Variants in BTD observed in about 807,000 individuals in gnomAD.
BTD encodes the protein biotinidase.
BTD carries 13 observed loss-of-function variants against 17.7 expected under a neutral mutation model. The ratio of observed to expected loss-of-function variants is 0.74; its 90% confidence interval spans 0.48 to 1.17. The LOEUF (loss-of-function observed/expected upper bound fraction) is 1.17, where lower values mean the gene tolerates loss of function less well. Among genes scored for constraint, BTD ranks in the 50% most tolerant of loss-of-function variants. The pLI is 0.00. For missense variants in BTD, 674 were observed against 650.4 expected (o/e 1.04, Z -0.39); for synonymous variants, 240 against 245.2 (o/e 0.98, Z 0.20).
intron 1 of BTD, among the ~76,000 whole-genome samples, chr3:15,616,545 G>C (rs1269558722): frequency 6.6e-6 from 1 of 152,036 alleles, no homozygotes; most frequent in Non-Finnish European, 1.5e-5. Flanking sequence ...GAACCTGGGA[G>C]GTGGAGGTTG....
At chr3:15,623,111 C>T (rs373498388) in intron 1 of BTD, among the ~76,000 whole-genome samples, 12 of 152,212 alleles carry the variant, frequency 7.9e-5, no homozygotes, top group African/African-American at 2.9e-4. Flanking sequence ...GACTTATTCA[C>T]TACCATGAGA....
chr3:15,642,337 C>T, intron 3 of BTD: 3 of 1,210,836 alleles, frequency 2.5e-6, no homozygotes, highest in Non-Finnish European at 2.2e-6. Flanking sequence ...AAGAAAAGTT[C>T]ATCTTCACCA....
intron 3 of BTD, among the ~76,000 whole-genome samples, chr3:15,698,047 T>C (rs1232028951): frequency 2.0e-5 from 3 of 152,230 alleles, no homozygotes; most frequent in Admixed American, 6.5e-5. Context: ...TCTCTGATTG[T>C]AGTTTGTATT....
At chr3:15,722,394 GA>G (rs1284780259), downstream of BTD, among the ~76,000 whole-genome samples, 6 of 152,186 alleles carry the variant, frequency 3.9e-5, no homozygotes, top group Non-Finnish European at 1.5e-5. Context: ...CTGACTCCGT[GA>G]AGAGTGGACA....
At chr3:15,634,241 G>C (rs2065287489) in intron 1 of BTD, among the ~76,000 whole-genome samples, 1 of 152,226 alleles carries the variant, frequency 6.6e-6, no homozygotes, top group Non-Finnish European at 1.5e-5. Context: ...CAGGAGTTAT[G>C]AGTTGAGACT....
At chr3:15,630,155 T>C (rs1353061480) in intron 1 of BTD, 25 of 854,950 alleles carry the variant, frequency 2.9e-5, no homozygotes, top group Non-Finnish European at 3.2e-5. Context: ...AACTCAAATC[T>C]TGAAAGTCAG....
In BTD at chr3:15,601,914, C is replaced by T; in HGVS notation, c.-17+20C>T. 3.7e-6 allele frequency: 6 copies of T among 1,612,886 alleles called. No homozygotes were observed. The highest frequency in any genetic ancestry group is 5.1e-6 in the Non-Finnish European group (6 of 1,179,894). On this transcript the variant is annotated intron_variant, in intron 1 of 3. Transcript: ENST00000643237. ...GAGCAGGTACGGAGGGGGCGTGGTG[C>T]GGCGCGGAGGGGGTGTGGTAAGGGC...
intron 1 of BTD, among the ~76,000 whole-genome samples, chr3:15,620,451 T>C (rs2064918235): frequency 6.6e-6 from 1 of 152,236 alleles, no homozygotes; most frequent in African/African-American, 2.4e-5. Flanking sequence ...AATGTGGCTC[T>C]TTTAGCCCAA....
intron 1 of BTD, among the ~76,000 whole-genome samples, chr3:15,618,618 C>T (rs4309707): frequency 0.043 from 6,587 of 152,036 alleles, 410 homozygotes; most frequent in African/African-American, 0.14. Context: ...CTCCACCTCC[C>T]GGGTTCACGC....
At chr3:15,665,727 G>A (rs542701722) in intron 3 of BTD, among the ~76,000 whole-genome samples, 10 of 152,370 alleles carry the variant, frequency 6.6e-5, no homozygotes, top group African/African-American at 2.4e-4. Context: ...GTTATGGCCA[G>A]TGGAGTGTTG....
At position 15,645,067 on chromosome 3, in the gene BTD, C is replaced by T. The variant is rs397514405; in HGVS notation, c.1151C>T (p.Thr384Ile). The T allele has an allele frequency of 5.0e-6, 8 of 1,614,102 alleles. No individual in the cohort carries two copies. In the Admixed American group the frequency reaches 8.3e-5, roughly 17 times the overall value. ...FHSEMMYDNF[T>I]LVPVWGKEGY... ...TCTGAGATGATGTATGACAATTTCA[C>T]CCTGGTCCCTGTCTGGGGAAAGGAA... The change falls in exon 4 of 4, where the codon ACC (threonine) becomes ATC (isoleucine). Residue 384 changes from threonine to isoleucine, a missense_variant. Physicochemically the swap from Thr to Ile is moderately conservative, Grantham distance 89 (BLOSUM62 -1). Coordinates refer to ENST00000643237, the MANE Select transcript of BTD (RefSeq NM_001370658.1).
chr3:15,707,981 A>G (rs768462498), intron 3 of BTD: 1 of 1,612,588 alleles, frequency 6.2e-7, no homozygotes. Context: ...TCTTTCATCA[A>G]GGTCATTCAC....
rs564617611 is a variant in BTD, at chr3:15,705,917, T to A, written c.400-4143T>A. On this transcript the variant is annotated intron_variant, in intron 3 of 3. Transcript: ENST00000672141. ...AGGAGGCTGAGGCAGGAGAATTGCT[T>A]GTGAACCTGGGAGGTGGAAGCTGCA... is the stretch of plus-strand genomic sequence containing the variant. Among the ~76,000 whole-genome samples, 3 of 152,164 alleles carry A rather than the reference T, an allele frequency of 2.0e-5. No individual in the cohort carries two copies. The South Asian group carries it at 6.2e-4, about 32-fold the overall frequency.
At chr3:15,603,782 C>T (rs1224290648) in intron 1 of BTD, among the ~76,000 whole-genome samples, 1 of 152,204 alleles carries the variant, frequency 6.6e-6, no homozygotes, top group Non-Finnish European at 1.5e-5. Context: ...TTGGTCAAGA[C>T]AAAGGGGCTA....
rs2065641566 is a variant in BTD, at chr3:15,644,649, C to T, written c.733C>T (p.His245Tyr). 1.9e-6 allele frequency: 3 copies of T among 1,614,200 alleles called. No homozygotes were observed. The South Asian group carries it at 3.3e-5, about 18-fold the overall frequency. Residue 245 changes from histidine to tyrosine, a missense_variant, in exon 4 of 4, where the codon CAT becomes TAT. By Grantham distance (83) the His-to-Tyr change is moderately conservative. Coordinates refer to ENST00000643237, the MANE Select transcript of BTD (RefSeq NM_001370658.1). ...IRVLRDYKVK[H>Y]VVYPTAWMNQ... ...AGTCCTCAGAGACTACAAGGTGAAG[C>T]ATGTTGTGTACCCAACTGCCTGGAT...
At chr3:15,696,230 T>C in intron 3 of BTD, 2 of 1,581,200 alleles carry the variant, frequency 1.3e-6, no homozygotes, top group Non-Finnish European at 1.7e-6. Flanking sequence ...CGTTTCTTAA[T>C]AAGTATTCCA....
At chr3:15,654,728 C>T (rs924885174), downstream of BTD, among the ~76,000 whole-genome samples, 1 of 150,866 alleles carries the variant, frequency 6.6e-6, no homozygotes, top group Non-Finnish European at 1.5e-5. Flanking sequence ...TCTGCCACCA[C>T]ACTTGGCTAA....
chr3:15,711,868 T>TG (rs1270853298), exon 4 of BTD, among the ~76,000 whole-genome samples: 2 of 151,244 alleles, frequency 1.3e-5, no homozygotes, highest in Non-Finnish European at 3.0e-5. Context: ...TTTTTGTATT[T>TG]TTTTTTTAGT....
intron 3 of BTD, among the ~76,000 whole-genome samples, chr3:15,689,589 T>C (rs1413846359): frequency 6.6e-6 from 1 of 152,230 alleles, no homozygotes; most frequent in African/African-American, 2.4e-5. Flanking sequence ...TTTTAATGAC[T>C]TCTTAAACAC....
Sources: gnomAD v4.1 joint callset for allele counts (sites outside exome capture counted in the v4.1 genomes callset) on GRCh38, gnomAD v4.1.1 for gene constraint, MANE v1.5 for transcripts, NCBI Gene and HGNC (gene_info 2026-07-23, HGNC 2026-07-21) for gene names.